The following ARHGAP26 variants were observed in gnomAD, a reference collection of about 807,000 sequenced individuals.
ARHGAP26 encodes rho GTPase-activating protein 26.
ARHGAP26 carries 38 observed loss-of-function variants against 104.8 expected under a neutral mutation model. The ratio of observed to expected loss-of-function variants is 0.36; its 90% confidence interval spans 0.28 to 0.48. The LOEUF (loss-of-function observed/expected upper bound fraction) is 0.48, where lower values mean the gene tolerates loss of function less well. Ranked by LOEUF, ARHGAP26 falls within the 20% of genes least tolerant of loss-of-function variation. ARHGAP26 has a pLI of 0.99. For synonymous variants in ARHGAP26, 341 were observed against 340.0 expected (o/e 1.00, Z -0.03); for missense variants, 704 against 947.9 (o/e 0.74, Z 3.38).
At chr5:143,039,346 T>TA (rs1469557234) in intron 13 of ARHGAP26, among the ~76,000 whole-genome samples, 2 of 142,056 alleles carry the variant, frequency 1.4e-5, no homozygotes, top group African/African-American at 2.7e-5. Flanking sequence ...TAACTGGCAT[T>TA]ACAGGCGCCT....
intron 17 of ARHGAP26, among the ~76,000 whole-genome samples, chr5:143,112,543 C>T (rs1214838072): frequency 1.3e-5 from 2 of 152,192 alleles, no homozygotes; most frequent in Non-Finnish European, 2.9e-5. Context: ...TGTATAGTCA[C>T]CAACACCATC....
intron 11 of ARHGAP26, among the ~76,000 whole-genome samples, chr5:143,002,204 C>T (rs17099784): frequency 0.025 from 3,744 of 152,216 alleles, 65 homozygotes; most frequent in Middle Eastern, 0.051. Context: ...ACTCTCTGCC[C>T]GTTGTTTCTC....
chr5:142,828,260 T>C (rs1474216551), intron 1 of ARHGAP26, among the ~76,000 whole-genome samples: 3 of 152,226 alleles, frequency 2.0e-5, no homozygotes, highest in Non-Finnish European at 2.9e-5. Context: ...CCCTTTCTTA[T>C]GGAAAAGATT....
intron 10 of ARHGAP26, among the ~76,000 whole-genome samples, chr5:142,929,795 G>A (rs902507706): frequency 1.3e-5 from 2 of 152,184 alleles, no homozygotes; most frequent in African/African-American, 4.8e-5. Context: ...CTGAGACCTT[G>A]GTATGTAGAC....
At chr5:143,066,118 T>C (rs975291134) in intron 17 of ARHGAP26, among the ~76,000 whole-genome samples, 3 of 152,244 alleles carry the variant, frequency 2.0e-5, no homozygotes, top group Admixed American at 1.3e-4. Context: ...GTTTTTACTC[T>C]ATAGTTTCTA....
At position 143,007,722 on chromosome 5, in the gene ARHGAP26, G is replaced by A. The variant is rs1598602712; in HGVS notation, c.1108-6358G>A. Among the ~76,000 whole-genome samples, 3 of 152,318 alleles carry A rather than the reference G, an allele frequency of 2.0e-5. No homozygotes were observed. In the South Asian group the frequency reaches 6.2e-4, roughly 32 times the overall value. ...GGCAGGTGTAGTACCCCATAGGCTT[G>A]AGGATGAAATAAAATCATTCGTTTA... is the stretch of plus-strand genomic sequence containing the variant. On this transcript the variant is annotated intron_variant, in intron 11 of 22. Transcript: ENST00000645722.
In ARHGAP26 at chr5:143,044,204, A is replaced by C. The variant is rs543836955; in HGVS notation, c.1285+2314A>C. On this transcript the variant is annotated intron_variant, in intron 14 of 22. Coordinates refer to ENST00000645722, the MANE Select transcript of ARHGAP26 (RefSeq NM_001135608.3). ...AATAGTTTACAAGGAAAAAAAAAGC[A>C]TCTATTTGCTCATATAACTGGTAAA... is the stretch of plus-strand genomic sequence containing the variant. Among the ~76,000 whole-genome samples, 51 of 152,362 alleles carry C rather than the reference A, an allele frequency of 3.3e-4. 1 individual carries two copies. The highest frequency in any genetic ancestry group is 1.2e-3 in the African/African-American group (49 of 41,580).
chr5:143,204,772 G>A (rs1328019786), intron 20 of ARHGAP26, among the ~76,000 whole-genome samples: 1 of 152,032 alleles, frequency 6.6e-6, no homozygotes, highest in African/African-American at 2.4e-5. Context: ...GATGGAATAG[G>A]AAGCTGGAGG....
At chr5:143,056,316 C>CT (rs10672936) in intron 16 of ARHGAP26, among the ~76,000 whole-genome samples, 20,378 of 80,142 alleles carry the variant, frequency 0.25, 2,472 homozygotes, top group South Asian at 0.37. Context: ...CTTCAGAAGT[C>CT]TTTTTTTTTT....
intron 1 of ARHGAP26, among the ~76,000 whole-genome samples, chr5:142,872,141 C>T (rs1470094144): frequency 6.6e-6 from 1 of 152,084 alleles, no homozygotes; most frequent in African/African-American, 2.4e-5. Flanking sequence ...CCACCGCCCC[C>T]CACATTTATT....
intron 1 of ARHGAP26, among the ~76,000 whole-genome samples, chr5:142,818,661 T>A (rs1455253960): frequency 1.3e-5 from 2 of 152,192 alleles, no homozygotes; most frequent in Non-Finnish European, 2.9e-5. Context: ...AAAATGACAT[T>A]ACCACCTTCA....
At chr5:142,771,013 C>T (rs1755077922) in intron 1 of ARHGAP26, 98 bp downstream of exon 1, 2 of 1,475,610 alleles carry the variant, frequency 1.4e-6, no homozygotes, top group South Asian at 2.7e-5. Context: ...CGGGTTTCTG[C>T]TCCCGGTACA....
chr5:142,821,626 TG>T (rs1443467433), intron 1 of ARHGAP26, among the ~76,000 whole-genome samples: 1 of 152,212 alleles, frequency 6.6e-6, no homozygotes, highest in African/African-American at 2.4e-5. Flanking sequence ...GGGCCCCATC[TG>T]GTAGCTGCAG....
intron 11 of ARHGAP26, among the ~76,000 whole-genome samples, chr5:142,933,366 T>C (rs1382754952): frequency 6.6e-6 from 1 of 152,202 alleles, no homozygotes; most frequent in East Asian, 1.9e-4. Flanking sequence ...GATTCCATTT[T>C]ATAGATAAGT....
intron 20 of ARHGAP26, among the ~76,000 whole-genome samples, chr5:143,197,679 A>G (rs1000557909): frequency 2.0e-5 from 3 of 152,160 alleles, no homozygotes; most frequent in African/African-American, 7.2e-5. Flanking sequence ...TGCCCTCTCT[A>G]TGCCCTACTG....
chr5:143,170,782 A>T (rs1415784723), intron 20 of ARHGAP26: 2 of 152,148 alleles, frequency 1.3e-5, no homozygotes, highest in Non-Finnish European at 2.9e-5. Context: ...ACCCACAACC[A>T]CTATGCTTAG....
chr5:142,961,382 C>T (rs1345463605), intron 11 of ARHGAP26, among the ~76,000 whole-genome samples: 3 of 151,598 alleles, frequency 2.0e-5, no homozygotes, highest in Admixed American at 2.0e-4. Context: ...GTTCCAGCTA[C>T]GTGGGAAGCT....
rs185103908 is a variant in ARHGAP26, at chr5:143,041,779, G to T, written c.1211-37G>T. ...GGATTGGCCTGACTTGTGTTCTGAC[G>T]TGCCTCTAATTAAATCATCACTGTT... On this transcript the variant is annotated intron_variant, in intron 13 of 22. Transcript: ENST00000645722. 1.5e-4 allele frequency: 220 copies of T among 1,511,656 alleles called. No homozygotes were observed. In the African/African-American group the frequency reaches 2.7e-3, roughly 18 times the overall value. The allele number at this position is 1,511,656 out of a possible 1,614,324, so 93.6% of individuals were successfully genotyped here. A position where few individuals can be genotyped will look rare whatever the true frequency, so the allele number is the denominator to read the frequency against.
At chr5:142,927,462 G>A (rs777135690) in intron 10 of ARHGAP26, among the ~76,000 whole-genome samples, 3 of 151,990 alleles carry the variant, frequency 2.0e-5, no homozygotes, top group African/African-American at 7.3e-5. Flanking sequence ...TCATCATTAT[G>A]TCTCTGAGAT....
Sources: allele counts gnomAD v4.1 joint callset (sites outside exome capture counted in the v4.1 genomes callset), GRCh38; gene constraint gnomAD v4.1.1; transcripts MANE v1.5; gene names NCBI Gene and HGNC (gene_info 2026-07-23, HGNC 2026-07-21).